The following VSIG10L2 variants were observed in gnomAD, a reference collection of about 807,000 sequenced individuals.
VSIG10L2 encodes the protein V-set and immunoglobulin domain containing 10 like 2.
VSIG10L2 carries 56 observed loss-of-function variants against 67.1 expected under a neutral mutation model. That is an observed-to-expected ratio of 0.83 (90% CI 0.67 to 1.04). VSIG10L2 has a LOEUF of 1.04. Among genes scored for constraint, VSIG10L2 ranks in the 50% least tolerant of loss-of-function variants. VSIG10L2 has a pLI of 0.00. For missense variants in VSIG10L2, 843 were observed against 932.8 expected (o/e 0.90, Z 1.25); for synonymous variants, 360 against 396.6 (o/e 0.91, Z 1.10).
rs1414929175 is a variant in VSIG10L2 at position 125,946,843 on chromosome 11, G to A, written c.82+706G>A. 6.6e-6 allele frequency among the ~76,000 whole-genome samples: 1 copy of A among 152,178 alleles called. No individual in the cohort carries two copies. Among genetic ancestry groups the A allele is most frequent in the Non-Finnish European group, 1.5e-5 (1 of 68,022 alleles). On this transcript the variant is annotated intron_variant, in intron 1 of 11. Coordinates refer to ENST00000686984, the MANE Select transcript of VSIG10L2 (RefSeq NM_001365077.2). The surrounding 1 kb of genome is among the most constrained non-coding windows in gnomAD (Gnocchi z 4.4). ...CTGAGCCACTGAGCCCGGCCCCAGAGACTTACTTTCATGCAAATTTGCTGA... is the reference window on the plus strand; with the variant it reads ...CTGAGCCACTGAGCCCGGCCCCAGAAACTTACTTTCATGCAAATTTGCTGA...
In VSIG10L2 at chr11:125,946,390, C is replaced by T. The variant is rs973304407; in HGVS notation, c.82+253C>T. On this transcript the variant is annotated intron_variant, in intron 1 of 11. Transcript: ENST00000686984. This position sits in a 1 kb window ranked among gnomAD's most constrained non-coding sequence, Gnocchi z 4.4. ...GTGGTAAGCCTAGGAGTGGTATGGT[C>T]AGATCCAGGTTTCAGAAAGCTCCCT... 2.0e-5 allele frequency among the ~76,000 whole-genome samples: 3 copies of T among 152,170 alleles called. No individual in the cohort carries two copies. The highest frequency in any genetic ancestry group is 7.2e-5 in the African/African-American group (3 of 41,444).
intron 6 of VSIG10L2, 113 bp from the exon 7 acceptor site, chr11:125,953,287 T>A: frequency 1.1e-6 from 1 of 916,914 alleles, no homozygotes; most frequent in South Asian, 5.7e-5. Flanking sequence ...ACAAGCCTCA[T>A]TGTCAACTCC....
Position 125,954,208 on chromosome 11 carries a change from G to T in VSIG10L2, c.1908G>T (p.Arg636=). 8.1e-7 allele frequency: 1 copy of T among 1,232,234 alleles called. No homozygotes were observed. The highest frequency in any genetic ancestry group is 1.0e-6 in the Non-Finnish European group (1 of 988,032). The allele number at this position is 1,232,234 out of a possible 1,614,324, so 76.3% of individuals were successfully genotyped here. A position where few individuals can be genotyped will look rare whatever the true frequency, so the allele number is the denominator to read the frequency against. ...ACCTGACGGGCTTCCTGGTGCAGCG[G>T]AAGGCCAGTGCCCTGGGCCCAGGAG... The part of the protein sequence containing the change: ...PGNLTGFLVQ[R]KASALGPGAG... Residue 636 remains arginine, a synonymous_variant, in exon 8 of 12, where the codon CGG becomes CGT. Transcript: ENST00000686984.
Position 125,953,453 on chromosome 11 carries a change from G to A in VSIG10L2, c.1549G>A (p.Glu517Lys). 1 of 1,232,350 alleles carries A rather than the reference G, an allele frequency of 8.1e-7. No homozygotes were observed. Among genetic ancestry groups the A allele is most frequent in the African/African-American group, 1.5e-5 (1 of 64,538 alleles). The allele number at this position is 1,232,350 out of a possible 1,614,324, so 76.3% of individuals were successfully genotyped here. ...EPRVSVLEGGEAWLECSLRGG... is the reference protein window; with the variant it reads ...EPRVSVLEGGKAWLECSLRGG... ...CCGCGTGTCAGTGTTGGAGGGGGGA[G>A]AGGCCTGGCTGGAGTGCTCTCTCCG... Residue 517 changes from glutamate (E) to lysine (K), a missense_variant, in exon 7 of 12, where the codon GAG becomes AAG. By Grantham distance (56) the Glu-to-Lys change is moderately conservative. Around this residue, in one of 2 missense-constraint regions of VSIG10L2, gnomAD observed 397 missense variants for 384.4 expected, o/e 1.03. Transcript: ENST00000686984.
chr11:125,950,086 G>C lies in VSIG10L2; in HGVS notation c.782G>C (p.Arg261Thr). Residue 261 changes from arginine to threonine, a missense_variant, in exon 4 of 12, where the codon AGG becomes ACG. By Grantham distance (71) the Arg-to-Thr change is moderately conservative. Around this residue, in one of 2 missense-constraint regions of VSIG10L2, gnomAD observed 446 missense variants for 548.4 expected, o/e 0.81. Transcript: ENST00000686984. ...LTEEGFWASEREEVTLSCLAA... is the reference protein window; with the variant it reads ...LTEEGFWASETEEVTLSCLAA... ...GAGGAGGGCTTCTGGGCCAGTGAGA[G>C]GGAAGAGGTGACCCTGAGCTGTCTG... 8.1e-7 allele frequency: 1 copy of C among 1,232,420 alleles called. No homozygotes were observed. The allele number at this position is 1,232,420 out of a possible 1,614,324, so 76.3% of individuals were successfully genotyped here. A position where few individuals can be genotyped will look rare whatever the true frequency, so the allele number is the denominator to read the frequency against.
rs1463114531 is a variant in VSIG10L2, at chr11:125,948,392, G to A, written c.521G>A (p.Gly174Asp). Residue 174 changes from glycine to aspartate, a missense_variant, in exon 3 of 12, where the codon GGC becomes GAC. Around this residue, in one of 2 missense-constraint regions of VSIG10L2, gnomAD observed 446 missense variants for 548.4 expected, o/e 0.81. Transcript: ENST00000686984. ...GTGGCCACGTGTGCAGTGCGGGAGG[G>A]CACAGAGCCCGTGACCTTTGCCTGG... The part of the protein sequence containing the change: ...SVVATCAVRE[G>D]TEPVTFAWQH... The A allele has an allele frequency of 2.4e-6, 3 of 1,232,244 alleles. No individual in the cohort carries two copies. The allele number at this position is 1,232,244 out of a possible 1,614,324, so 76.3% of individuals were successfully genotyped here.
intron 3 of VSIG10L2, among the ~76,000 whole-genome samples, chr11:125,948,878 G>T (rs1200629231): frequency 6.6e-6 from 1 of 152,216 alleles, no homozygotes; most frequent in East Asian, 1.9e-4. Context: ...CTGCCTTTAG[G>T]TTGAGCCTGG....
chr11:125,951,010 G>A lies in VSIG10L2; in HGVS notation c.1086G>A (p.Gln362=), dbSNP rs898807159. The A allele has an allele frequency of 6.1e-5, 75 of 1,232,316 alleles. No homozygotes were observed. The highest frequency in any genetic ancestry group is 7.2e-5 in the Non-Finnish European group (71 of 988,218). The allele number at this position is 1,232,316 out of a possible 1,614,324, so 76.3% of individuals were successfully genotyped here. A position where few individuals can be genotyped will look rare whatever the true frequency, so the allele number is the denominator to read the frequency against. The change falls in exon 5 of 12, where the codon CAG becomes CAA. Residue 362 remains glutamine (Q), a synonymous_variant. Transcript: ENST00000686984. ...GGGGGCTTCCGCCTGCCCAACTGCA[G>A]TGGGAAGGGCCTCAGGGACCTGGCC... ...WPGGLPPAQL[Q]WEGPQGPGPT...
At chr11:125,955,398 A>G (rs760698920) in intron 9 of VSIG10L2, among the ~76,000 whole-genome samples, 84 bp from the exon 10 acceptor site, 1 of 152,170 alleles carries the variant, frequency 6.6e-6, no homozygotes, top group Non-Finnish European at 1.5e-5. Context: ...CCTAGTACAG[A>G]GCCCACTGGG....
rs149046052 is a variant in VSIG10L2 at position 125,953,479 on chromosome 11, C to A, written c.1575C>A (p.Arg525=). ...GGEAWLECSL[R]GGTPPAQLLW... ...AGGCCTGGCTGGAGTGCTCTCTCCG[C>A]GGGGGCACACCACCTGCCCAGCTCC... Residue 525 remains arginine, a synonymous_variant, in exon 7 of 12, where the codon CGC becomes CGA. Transcript: ENST00000686984. 1.1e-3 allele frequency: 1,353 copies of A among 1,232,298 alleles called. 2 individuals are homozygous for A. Among genetic ancestry groups the A allele is most frequent in the Admixed American group, 3.2e-3 (76 of 23,722 alleles). 76.3% of individuals were successfully genotyped at this position (1,232,298 alleles called of 1,614,324 possible).
Position 125,947,756 on chromosome 11 carries a change from C to G in VSIG10L2, c.153C>G (p.Ser51=). The change falls in exon 2 of 12, where the codon TCC becomes TCG. Residue 51 remains serine (S), a synonymous_variant. Coordinates refer to ENST00000686984, the MANE Select transcript of VSIG10L2 (RefSeq NM_001365077.2). ...CTGTCCAGGGAGTGCGAGGTGGCTC[C>G]GTGGAGCTGGCCTGTGGCTCAGGGC... The part of the protein sequence containing the change: ...VVSVQGVRGG[S]VELACGSGPA... The G allele has an allele frequency of 8.1e-7, 1 of 1,232,424 alleles. No homozygotes were observed. Among genetic ancestry groups the G allele is most frequent in the Non-Finnish European group, 1.0e-6 (1 of 988,192 alleles). The allele number at this position is 1,232,424 out of a possible 1,614,324, so 76.3% of individuals were successfully genotyped here.
chr11:125,951,628 G>C (rs1945373922), intron 5 of VSIG10L2, among the ~76,000 whole-genome samples, 185 bp from the exon 6 acceptor site: 1 of 152,198 alleles, frequency 6.6e-6, no homozygotes, highest in Non-Finnish European at 1.5e-5. Context: ...CATAATAATT[G>C]TTTAATGTCT....
intron 4 of VSIG10L2, among the ~76,000 whole-genome samples, 176 bp from the exon 5 acceptor site, chr11:125,950,734 G>A (rs1466710754): frequency 6.6e-6 from 1 of 152,086 alleles, no homozygotes; most frequent in African/African-American, 2.4e-5. Context: ...CCTGACCTGA[G>A]AGCTCAGCCT....
In VSIG10L2 at chr11:125,955,473, T is replaced by C; in HGVS notation, c.2207-9T>C. 2 of 757,720 alleles carry C rather than the reference T, an allele frequency of 2.6e-6. No homozygotes were observed. The highest frequency in any genetic ancestry group is 4.2e-6 in the Non-Finnish European group (2 of 479,494). 46.9% of individuals were successfully genotyped at this position (757,720 alleles called of 1,614,324 possible). A position where few individuals can be genotyped will look rare whatever the true frequency, so the allele number is the denominator to read the frequency against. On this transcript the variant is annotated splice_polypyrimidine_tract_variant and intron_variant, in intron 9 of 11. Coordinates refer to ENST00000686984, the MANE Select transcript of VSIG10L2 (RefSeq NM_001365077.2). ...CCAAGTAATGCTCCTTTTCTTTTCC[T>C]TCCTACAGGCCTTGGTCAATTGCTT...
intron 6 of VSIG10L2, 129 bp downstream of exon 6, chr11:125,952,202 AG>A: frequency 7.8e-7 from 1 of 1,283,478 alleles, no homozygotes; most frequent in Non-Finnish European, 1.0e-6. Context: ...CGGGGAAGCT[AG>A]GAGGTAGTTA....
chr11:125,947,417 G>A (rs971051782), intron 1 of VSIG10L2: 33 of 985,290 alleles, frequency 3.3e-5, no homozygotes, highest in Non-Finnish European at 3.7e-5. Flanking sequence ...GGATGGTCTA[G>A]TGACCCATGA....
rs756828770 is a variant in VSIG10L2, at chr11:125,956,315, G to A, written c.*401G>A. The A allele has an allele frequency of 5.4e-5, 42 of 771,694 alleles. No homozygotes were observed. The highest frequency in any genetic ancestry group is 2.7e-4 in the Middle Eastern group (1 of 3,756). 47.8% of individuals were successfully genotyped at this position (771,694 alleles called of 1,614,324 possible). ...TAAATAAATCAGAGCTGATGTTCAC[G>A]CCAATAGAGGGCTACTTCCATTGCG... is the stretch of plus-strand genomic sequence containing the variant. On this transcript the variant is annotated 3_prime_UTR_variant, in exon 12 of 12. Coordinates refer to ENST00000686984, the MANE Select transcript of VSIG10L2 (RefSeq NM_001365077.2).
Position 125,955,682 on chromosome 11 carries a change from C to T in VSIG10L2, c.2284+15C>T. 1 of 1,532,464 alleles carries T rather than the reference C, an allele frequency of 6.5e-7. No individual in the cohort carries two copies. The highest frequency in any genetic ancestry group is 1.2e-5 in the South Asian group (1 of 83,206). 94.9% of individuals were successfully genotyped at this position (1,532,464 alleles called of 1,614,324 possible). A position where few individuals can be genotyped will look rare whatever the true frequency, so the allele number is the denominator to read the frequency against. The stretch of plus-strand genomic sequence containing the variant: ...GGCACCGGCAGGTAAGCACCTTATC[C>T]AGAAAAAGACGACTCGTGTACAAGG... On this transcript the variant is annotated intron_variant, in intron 11 of 11. Transcript: ENST00000686984.
chr11:125,951,531 CAAGACA>C (rs1945370268), intron 5 of VSIG10L2, among the ~76,000 whole-genome samples: 1 of 152,242 alleles, frequency 6.6e-6, no homozygotes, highest in African/African-American at 2.4e-5. Flanking sequence ...AGCCATCAGC[CAAGACA>C]GAGTCCAGAT....
Sources: gnomAD v4.1 joint callset for allele counts (sites outside exome capture counted in the v4.1 genomes callset) on GRCh38, gnomAD v4.1.1 for gene constraint, gnomAD v4.1.1 regional missense constraint, Gnocchi (gnomAD v3.1) non-coding constraint, MANE v1.5 for transcripts, NCBI Gene and HGNC (gene_info 2026-07-23, HGNC 2026-07-21) for gene names.